Variants in SHQ1 observed in about 807,000 individuals in gnomAD.
SHQ1 encodes protein SHQ1 homolog.
Under a neutral mutation model 53.8 loss-of-function variants are expected in SHQ1, and 49 were observed. That is an observed-to-expected ratio of 0.91 (90% confidence interval 0.72 to 1.16). SHQ1 has a LOEUF of 1.16. Ranked by LOEUF, SHQ1 falls within the 50% of genes most tolerant of loss-of-function variation. The pLI is 0.00. For missense variants in SHQ1, 738 were observed against 683.1 expected, an observed-to-expected ratio of 1.08 and a Z score of -0.90; for synonymous variants, 243 against 251.0, an observed-to-expected ratio of 0.97 and a Z score of 0.30.
chr3:72,746,879 A>G (rs924859650), downstream of SHQ1, among the ~76,000 whole-genome samples: 2 of 152,220 alleles, frequency 1.3e-5, no homozygotes, highest in South Asian at 4.1e-4. Flanking sequence ...CTGGCTTCAG[A>G]TAATGTACTA....
intron 4 of SHQ1, among the ~76,000 whole-genome samples, chr3:72,833,268 C>G (rs1053865996): frequency 2.6e-5 from 4 of 152,048 alleles, no homozygotes; most frequent in African/African-American, 9.7e-5. Context: ...TGGAGAAACC[C>G]CATCTCCACA....
At chr3:72,777,115 T>C (rs1446747660) in intron 10 of SHQ1, among the ~76,000 whole-genome samples, 1 of 152,186 alleles carries the variant, frequency 6.6e-6, no homozygotes, top group Non-Finnish European at 1.5e-5. Flanking sequence ...GAAGATACTA[T>C]AGGAGAATAT....
chr3:72,744,233 A>G, the SHQ1 span, among the ~76,000 whole-genome samples: 11 of 152,342 alleles, frequency 7.2e-5, no homozygotes, highest in East Asian at 9.6e-4. Context: ...ACTCACTCCA[A>G]TAAGAGCAGT....
chr3:72,800,735 T>G (rs778680668), intron 9 of SHQ1, among the ~76,000 whole-genome samples: 1 of 152,230 alleles, frequency 6.6e-6, no homozygotes, highest in Non-Finnish European at 1.5e-5. Context: ...CATGTACTAG[T>G]TATAACATCT....
rs1491584090 is a variant in SHQ1, at chr3:72,751,529, T to TATATATAC, written c.1182-694_1182-693insGTATATAT. Among the ~76,000 whole-genome samples the TATATATAC allele has an allele frequency of 2.9e-3, 404 of 137,964 alleles. 3 individuals carry two copies. The highest frequency in any genetic ancestry group is 5.0e-3 in the Non-Finnish European group (323 of 64,866). 90.5% of individuals were successfully genotyped at this position (137,964 alleles called of 152,430 possible). On this transcript the variant is annotated intron_variant, in intron 10 of 10. Coordinates refer to ENST00000325599, the MANE Select transcript of SHQ1 (RefSeq NM_018130.3). ...GTGTGTATATATATATATATATATATACATATACATACACTAATAAAGCCT... is the reference window on the plus strand; with the variant it reads ...GTGTGTATATATATATATATATATATATATATACACATATACATACACTAATAAAGCCT...
chr3:72,801,459 A>G (rs1161820214), intron 9 of SHQ1, among the ~76,000 whole-genome samples: 1 of 152,216 alleles, frequency 6.6e-6, no homozygotes, highest in Non-Finnish European at 1.5e-5. Context: ...CTAAAATTGC[A>G]TGAGGTTGGA....
At chr3:72,755,724 CCTT>C (rs1457677399) in intron 10 of SHQ1, among the ~76,000 whole-genome samples, 2 of 152,118 alleles carry the variant, frequency 1.3e-5, no homozygotes, top group Non-Finnish European at 1.5e-5. Flanking sequence ...ATCTGCCACT[CCTT>C]GTCAATTACA....
the SHQ1 span, among the ~76,000 whole-genome samples, chr3:72,726,131 C>T: frequency 6.6e-6 from 1 of 152,078 alleles, no homozygotes; most frequent in African/African-American, 2.4e-5. Flanking sequence ...ACTATTATCA[C>T]CATATGTTAC....
At chr3:72,828,002 C>T (rs1023904167) in intron 5 of SHQ1, among the ~76,000 whole-genome samples, 2 of 151,994 alleles carry the variant, frequency 1.3e-5, no homozygotes, top group East Asian at 1.9e-4. Context: ...TGACCCACCC[C>T]CTCAGCCTCC....
chr3:72,827,512 T>C (rs1455749624), intron 5 of SHQ1, among the ~76,000 whole-genome samples: 1 of 151,972 alleles, frequency 6.6e-6, no homozygotes, highest in Non-Finnish European at 1.5e-5. Flanking sequence ...CTTGGTAACA[T>C]GGTATTTCTA....
intron 10 of SHQ1, among the ~76,000 whole-genome samples, chr3:72,773,660 T>C (rs1705899768): frequency 6.6e-6 from 1 of 151,852 alleles, no homozygotes; most frequent in Non-Finnish European, 1.5e-5. Flanking sequence ...AAGGCCTGAA[T>C]TCAAAGAAAG....
intron 9 of SHQ1, among the ~76,000 whole-genome samples, chr3:72,809,116 G>A (rs1242905676): frequency 6.6e-6 from 1 of 151,936 alleles, no homozygotes; most frequent in South Asian, 2.1e-4. Flanking sequence ...AAAGATTGGT[G>A]TCTGGCTTCC....
In SHQ1 at chr3:72,750,044, C is replaced by A. The variant is rs1217774272; in HGVS notation, c.*240G>T. The A allele has an allele frequency of 3.7e-5, 18 of 492,864 alleles. No individual in the cohort carries two copies. In the South Asian group the frequency reaches 5.2e-4, roughly 14 times the overall value. 30.5% of individuals were successfully genotyped at this position (492,864 alleles called of 1,614,324 possible). ...ATGTAAATGCTGTGGAAATAGTTGT[C>A]ATACTGTATTATTTAGAGAATAATA... is the stretch of plus-strand genomic sequence containing the variant. On this transcript the variant is annotated 3_prime_UTR_variant, in exon 11 of 11. Coordinates refer to ENST00000325599, the MANE Select transcript of SHQ1 (RefSeq NM_018130.3).
chr3:72,817,385 C>A lies in SHQ1; in HGVS notation c.728-1G>T, dbSNP rs759312295. 1 of 1,602,724 alleles carries A rather than the reference C, an allele frequency of 6.2e-7. No homozygotes were observed. The highest frequency in any genetic ancestry group is 8.5e-7 in the Non-Finnish European group (1 of 1,173,626). On this transcript the variant is annotated splice_acceptor_variant, in intron 6 of 10. Transcript: ENST00000325599. LOFTEE classifies it high-confidence loss of function. ...TACTTCTCTTCTTCAGAAAAAGACA[C>A]TAGAAGAAAACGCATTTAAAAACTA...
intron 9 of SHQ1, among the ~76,000 whole-genome samples, chr3:72,799,500 A>T (rs1175484567): frequency 4.6e-5 from 7 of 152,230 alleles, no homozygotes; most frequent in African/African-American, 1.4e-4. Context: ...CTTTAATACC[A>T]GGCCCTATCG....
chr3:72,777,750 T>G (rs2174062), intron 10 of SHQ1, among the ~76,000 whole-genome samples: 3 of 151,988 alleles, frequency 2.0e-5, no homozygotes, highest in Non-Finnish European at 2.9e-5. Context: ...GAAACACGTA[T>G]AGTGATATCT....
At chr3:72,845,170 C>G (rs1025922312) in intron 1 of SHQ1, among the ~76,000 whole-genome samples, 2 of 151,984 alleles carry the variant, frequency 1.3e-5, no homozygotes, top group African/African-American at 4.8e-5. Flanking sequence ...AGGGATTTAC[C>G]CCTCTTTTGT....
intron 10 of SHQ1, among the ~76,000 whole-genome samples, chr3:72,788,491 C>G (rs906385042): frequency 6.7e-6 from 1 of 148,638 alleles, no homozygotes; most frequent in African/African-American, 2.5e-5. Flanking sequence ...CCGCCGCGTC[C>G]GGGAGGTAGG....
intron 6 of SHQ1, 145 bp downstream of exon 6, chr3:72,824,279 G>C (rs1707576267): frequency 3.1e-6 from 3 of 959,148 alleles, no homozygotes; most frequent in East Asian, 3.1e-5. Flanking sequence ...GGGCAAAGAA[G>C]TCATTTCCAA....
Sources: gnomAD v4.1 joint callset for allele counts (sites outside exome capture counted in the v4.1 genomes callset) on GRCh38, gnomAD v4.1.1 for gene constraint, MANE v1.5 for transcripts, NCBI Gene and HGNC (gene_info 2026-07-23, HGNC 2026-07-21) for gene names.